CSMD1: variants seen among roughly 807,000 people sequenced by gnomAD.
CSMD1 encodes CUB and sushi domain-containing protein 1.
A neutral mutation model predicts 417.5 loss-of-function variants in CSMD1; 213 were observed. The observed-to-expected ratio is 0.51, with a 90% CI of 0.46 to 0.57. The LOEUF (loss-of-function observed/expected upper bound fraction) is 0.57, where lower values mean the gene tolerates loss of function less well. CSMD1 is among the 20% of genes least tolerant of loss of function. The pLI is 0.00. For missense variants in CSMD1, 6,923 were observed against 4,529.7 expected (o/e 1.53, Z -15.17); for synonymous variants, 2,862 against 1,736.8 (o/e 1.65, Z -16.11).
chr8:4,140,634 C>T (rs1803729754), intron 3 of CSMD1, among the ~76,000 whole-genome samples: 1 of 150,868 alleles, frequency 6.6e-6, no homozygotes, highest in Admixed American at 6.6e-5. Flanking sequence ...CGCCACTGCA[C>T]TCCAGGCTGG....
rs560633143 is a variant in CSMD1 at position 4,683,864 on chromosome 8, G to C, written c.86-46306C>G. On this transcript the variant is annotated intron_variant, in intron 1 of 69. Transcript: ENST00000635120. ...CCTTGGAATATGAATCTGTTCATTT[G>C]GATCACTAATTGTCAAGAACTTTAT... is the stretch of plus-strand genomic sequence containing the variant. Among the ~76,000 whole-genome samples the C allele has an allele frequency of 2.0e-4, 31 of 152,294 alleles. No homozygotes were observed. The South Asian group carries it at 6.4e-3, about 32-fold the overall frequency.
In CSMD1 at chr8:4,827,671, T is replaced by C. The variant is rs565243635; in HGVS notation, c.85+166661A>G. Among the ~76,000 whole-genome samples the C allele has an allele frequency of 2.8e-4, 42 of 152,272 alleles. No homozygotes were observed. In the South Asian group the frequency reaches 8.1e-3, roughly 29 times the overall value. On this transcript the variant is annotated intron_variant, in intron 1 of 69. Coordinates refer to ENST00000635120, the MANE Select transcript of CSMD1 (RefSeq NM_033225.6). ...CAGCTTCTCGAAATGCTTACTCTGATTTAGTGAAAAACATCCATTGAGTAG... is the reference window on the plus strand; with the variant it reads ...CAGCTTCTCGAAATGCTTACTCTGACTTAGTGAAAAACATCCATTGAGTAG...
chr8:4,415,562 C>G (rs536024826), intron 3 of CSMD1, among the ~76,000 whole-genome samples: 1 of 152,222 alleles, frequency 6.6e-6, no homozygotes, highest in African/African-American at 2.4e-5. Context: ...TTGAGTCACA[C>G]CAATTACACC....
At chr8:3,862,309 C>G (rs994799098) in intron 5 of CSMD1, among the ~76,000 whole-genome samples, 4 of 152,206 alleles carry the variant, frequency 2.6e-5, no homozygotes, top group African/African-American at 9.6e-5. Context: ...ATTCTCCTTT[C>G]TGTCATCTGC....
chr8:4,240,846 G>A (rs1274072031), intron 3 of CSMD1, among the ~76,000 whole-genome samples: 1 of 152,096 alleles, frequency 6.6e-6, no homozygotes, highest in Non-Finnish European at 1.5e-5. Context: ...GCGTAGCATG[G>A]GGTAGCATTT....
intron 3 of CSMD1, among the ~76,000 whole-genome samples, chr8:4,056,881 C>T (rs1481955677): frequency 2.6e-5 from 4 of 152,304 alleles, no homozygotes; most frequent in East Asian, 1.9e-4. Context: ...TTTTTTATGG[C>T]TGCATAGTAT....
chr8:3,342,197 A>G (rs1450280370), intron 23 of CSMD1, among the ~76,000 whole-genome samples: 1 of 152,194 alleles, frequency 6.6e-6, no homozygotes, highest in Non-Finnish European at 1.5e-5. Context: ...TTTTTTGGCC[A>G]AAGTCTTACA....
intron 30 of CSMD1, among the ~76,000 whole-genome samples, chr8:3,210,714 G>C (rs576948380): frequency 6.7e-6 from 1 of 149,430 alleles, no homozygotes; most frequent in African/African-American, 2.4e-5. Context: ...TATATAAAGT[G>C]TATACATATA....
chr8:4,269,856 T>C (rs754215704), intron 3 of CSMD1, among the ~76,000 whole-genome samples: 4 of 152,138 alleles, frequency 2.6e-5, no homozygotes, highest in Admixed American at 2.0e-4. Flanking sequence ...CTACAAAATG[T>C]CTTGAAGTTA....
At chr8:4,930,172 G>A (rs1219542862) in intron 1 of CSMD1, among the ~76,000 whole-genome samples, 2 of 152,160 alleles carry the variant, frequency 1.3e-5, no homozygotes, top group Non-Finnish European at 2.9e-5. Flanking sequence ...CACATAAAAC[G>A]TAGGCATGGA....
intron 3 of CSMD1, among the ~76,000 whole-genome samples, chr8:4,051,571 T>C (rs1386445735): frequency 6.6e-6 from 1 of 152,176 alleles, no homozygotes; most frequent in Non-Finnish European, 1.5e-5. Flanking sequence ...CAAGCAAACC[T>C]CTGTCAACGT....
intron 1 of CSMD1, among the ~76,000 whole-genome samples, chr8:4,762,088 G>C (rs1183022934): frequency 6.6e-6 from 1 of 152,026 alleles, no homozygotes; most frequent in Non-Finnish European, 1.5e-5. Flanking sequence ...ATAGTAGCTG[G>C]TGTTTTAAAC....
chr8:4,987,755 G>A (rs1811256850), intron 1 of CSMD1, among the ~76,000 whole-genome samples: 1 of 152,066 alleles, frequency 6.6e-6, no homozygotes, highest in Non-Finnish European at 1.5e-5. Flanking sequence ...AATGTGGGTG[G>A]GCACCAGCTC....
chr8:4,944,817 G>C (rs4875129), intron 1 of CSMD1, among the ~76,000 whole-genome samples: 3 of 151,878 alleles, frequency 2.0e-5, no homozygotes, highest in East Asian at 1.9e-4. Flanking sequence ...AAAATGGTGC[G>C]TGGTGGCTAC....
intron 11 of CSMD1, among the ~76,000 whole-genome samples, chr8:3,488,478 G>T (rs1401318861): frequency 2.6e-5 from 4 of 152,122 alleles, no homozygotes; most frequent in Non-Finnish European, 5.9e-5. Context: ...AAGATAGTAT[G>T]CTTCTTGCAG....
At chr8:3,261,293 G>C (rs1477976260) in intron 26 of CSMD1, among the ~76,000 whole-genome samples, 1 of 152,152 alleles carries the variant, frequency 6.6e-6, no homozygotes, top group Non-Finnish European at 1.5e-5. Flanking sequence ...CAGCCATTCT[G>C]GAAAATTATT....
chr8:3,643,700 C>CAAAAAAAAAAAA lies in CSMD1; in HGVS notation c.1010-26915_1010-26904dup, dbSNP rs66500235. ...TGGGCGACAGCGTGAGACTCCGTCT[C>CAAAAAAAAAAAA]AAAAAAAAAAAAAAAAAAAAAAGGA... On this transcript the variant is annotated intron_variant, in intron 7 of 69. Coordinates refer to ENST00000635120, the MANE Select transcript of CSMD1 (RefSeq NM_033225.6). 2.6e-3 allele frequency among the ~76,000 whole-genome samples: 225 copies of CAAAAAAAAAAAA among 85,284 alleles called. 2 individuals are homozygous for CAAAAAAAAAAAA. The highest frequency in any genetic ancestry group is 3.3e-3 in the Non-Finnish European group (149 of 45,090). The allele number at this position is 85,284 out of a possible 152,430, so 55.9% of individuals were successfully genotyped here. A position where few individuals can be genotyped will look rare whatever the true frequency, so the allele number is the denominator to read the frequency against.
chr8:4,291,415 TAC>T (rs1797355685), intron 3 of CSMD1, among the ~76,000 whole-genome samples: 3 of 152,126 alleles, frequency 2.0e-5, no homozygotes, highest in Non-Finnish European at 4.4e-5. Flanking sequence ...ATAATTAAAA[TAC>T]AACCTCCAAA....
At chr8:3,912,534 T>G (rs1002065170) in intron 5 of CSMD1, among the ~76,000 whole-genome samples, 2 of 152,268 alleles carry the variant, frequency 1.3e-5, no homozygotes, top group South Asian at 4.1e-4. Flanking sequence ...CAGAGGGGGC[T>G]GGTTAATCTT....
Sources: allele counts gnomAD v4.1 joint callset (sites outside exome capture counted in the v4.1 genomes callset), GRCh38; gene constraint gnomAD v4.1.1; transcripts MANE v1.5; gene names NCBI Gene and HGNC (gene_info 2026-07-23, HGNC 2026-07-21).